Variants in SVEP1 observed in about 807,000 individuals in gnomAD.
The protein encoded by SVEP1 is sushi, von Willebrand factor type A, EGF and pentraxin domain-containing protein 1.
SVEP1 carries 164 observed loss-of-function variants against 367.3 expected under a neutral mutation model. The observed-to-expected ratio is 0.45, with a 90% confidence interval of 0.39 to 0.51. The LOEUF is 0.51. Among genes scored for constraint, SVEP1 ranks in the 20% least tolerant of loss-of-function variants. The pLI is 0.00. For missense variants in SVEP1, 4,117 were observed against 4,425.3 expected, an observed-to-expected ratio of 0.93 and a Z score of 1.98; for synonymous variants, 1,666 against 1,611.6, an observed-to-expected ratio of 1.03 and a Z score of -0.81.
chr9:110,415,553 T>C (rs1828107002), intron 36 of SVEP1, among the ~76,000 whole-genome samples: 1 of 151,980 alleles, frequency 6.6e-6, no homozygotes, highest in African/African-American at 2.4e-5. Flanking sequence ...ACAAAGGCCA[T>C]GACTTGAACA....
chr9:110,474,866 T>C (rs1255163011), intron 14 of SVEP1, among the ~76,000 whole-genome samples: 2 of 152,082 alleles, frequency 1.3e-5, no homozygotes, highest in African/African-American at 4.8e-5. Context: ...TGAAGTAGGA[T>C]ATTTAGTGAA....
In SVEP1 at chr9:110,430,121, T is replaced by A; in HGVS notation, c.5531-117A>T. The A allele has an allele frequency of 3.4e-6, 4 of 1,159,718 alleles. No homozygotes were observed. In the East Asian group the frequency reaches 1.0e-4, roughly 30 times the overall value. 71.8% of individuals were successfully genotyped at this position (1,159,718 alleles called of 1,614,324 possible). A position where few individuals can be genotyped will look rare whatever the true frequency, so the allele number is the denominator to read the frequency against. On this transcript the variant is annotated intron_variant, in intron 33 of 47. Transcript: ENST00000374469. ...TTGTTTGTTTTCTTTTTTTTTTTTTTTGGTGTGTGTGTGTGGGGTCATGTT... is the reference window on the plus strand; with the variant it reads ...TTGTTTGTTTTCTTTTTTTTTTTTTATGGTGTGTGTGTGTGGGGTCATGTT...
At chr9:110,474,586 C>G (rs1010479549) in intron 14 of SVEP1, among the ~76,000 whole-genome samples, 1 of 152,160 alleles carries the variant, frequency 6.6e-6, no homozygotes, top group Non-Finnish European at 1.5e-5. Flanking sequence ...AACTGACTCT[C>G]TCTAGGTGTA....
chr9:110,379,531 A>G lies in SVEP1; in HGVS notation c.10238-14T>C. 3.1e-6 allele frequency: 5 copies of G among 1,613,290 alleles called. No homozygotes were observed. The highest frequency in any genetic ancestry group is 4.2e-6 in the Non-Finnish European group (5 of 1,179,532). ...CACATGAGATTTCTACAGGATAACA[A>G]AACAACAATTAAGCTTGTGCTATTA... On this transcript the variant is annotated splice_polypyrimidine_tract_variant and intron_variant, in intron 43 of 47. Coordinates refer to ENST00000374469, the MANE Select transcript of SVEP1 (RefSeq NM_153366.4).
chr9:110,408,172 A>G lies in SVEP1; in HGVS notation c.7428T>C (p.Thr2476=), dbSNP rs1827985491. ...CKPGFELVGN[T]TTLCGENGHW... ...GACCATTTTCTCCACAAAGGGTGGT[A>G]GTATTTCCCACCAATTCAAAGCCTG... Residue 2476 remains threonine (T), a synonymous_variant, in exon 38 of 48, where the codon ACT becomes ACC. Transcript: ENST00000374469. The G allele has an allele frequency of 1.2e-6, 2 of 1,613,994 alleles. No homozygotes were observed. Among genetic ancestry groups the G allele is most frequent in the Non-Finnish European group, 8.5e-7 (1 of 1,179,896 alleles).
At chr9:110,468,732 G>C (rs550572603) in intron 17 of SVEP1, among the ~76,000 whole-genome samples, 5 of 152,318 alleles carry the variant, frequency 3.3e-5, no homozygotes, top group Admixed American at 1.3e-4. Context: ...AAAATATACA[G>C]GTTTCCCTGA....
In SVEP1 at chr9:110,574,740, C is replaced by CTTTTT. The variant is rs1564180524; in HGVS notation, c.531+4272_531+4273insAAAAA. The stretch of plus-strand genomic sequence containing the variant: ...TAGACAGGGACTGAGTCCAGTCGAC[C>CTTTTT]TTCTTTTTTTTTTTTTTTTTTTTTT... On this transcript the variant is annotated intron_variant, in intron 1 of 47. Coordinates refer to ENST00000374469, the MANE Select transcript of SVEP1 (RefSeq NM_153366.4). 5.6e-5 allele frequency among the ~76,000 whole-genome samples: 6 copies of CTTTTT among 106,342 alleles called. No individual in the cohort carries two copies. In the East Asian group the frequency reaches 1.7e-3, roughly 29 times the overall value. 69.8% of individuals were successfully genotyped at this position (106,342 alleles called of 152,430 possible). A position where few individuals can be genotyped will look rare whatever the true frequency, so the allele number is the denominator to read the frequency against.
chr9:110,370,431 C>T (rs914143359), intron 46 of SVEP1, among the ~76,000 whole-genome samples: 1 of 152,112 alleles, frequency 6.6e-6, no homozygotes, highest in Non-Finnish European at 1.5e-5. Flanking sequence ...ATTGTAAATT[C>T]CTCGAGGGAG....
chr9:110,368,511 T>C (rs1750200453), intron 47 of SVEP1, among the ~76,000 whole-genome samples: 1 of 152,204 alleles, frequency 6.6e-6, no homozygotes, highest in African/African-American at 2.4e-5. Context: ...AGTATTTTAA[T>C]ACATGCTAAT....
rs183121755 is a variant in SVEP1, at chr9:110,406,894, C to T, written c.8706G>A (p.Thr2902=). The change falls in exon 38 of 48, where the codon ACG becomes ACA. Residue 2902 remains threonine (T), a synonymous_variant. Transcript: ENST00000374469. ...TCATGAAGCCATAGTCCAGGCCTTCCGTCACCCCATTGGCCAGTTGTGGCG... is the reference window on the plus strand; with the variant it reads ...TCATGAAGCCATAGTCCAGGCCTTCTGTCACCCCATTGGCCAGTTGTGGCG... ...ATPPQLANGV[T]EGLDYGFMKE... 137 of 1,613,972 alleles carry T rather than the reference C, an allele frequency of 8.5e-5. No homozygotes were observed. In the African/African-American group the frequency reaches 1.2e-3, roughly 14 times the overall value.
intron 3 of SVEP1, among the ~76,000 whole-genome samples, chr9:110,535,124 T>C (rs531377304): frequency 1.8e-4 from 27 of 152,282 alleles, no homozygotes; most frequent in Non-Finnish European, 3.2e-4. Flanking sequence ...TTGTCTAGGT[T>C]GTCTTCCAGG....
intron 43 of SVEP1, among the ~76,000 whole-genome samples, chr9:110,379,779 G>A (rs150129330): frequency 6.6e-6 from 1 of 152,232 alleles, no homozygotes; most frequent in East Asian, 1.9e-4. Context: ...CAGTCTGTAG[G>A]ACACCAAGAA....
At chr9:110,462,182 A>T (rs980822785) in intron 18 of SVEP1, among the ~76,000 whole-genome samples, 1 of 152,128 alleles carries the variant, frequency 6.6e-6, no homozygotes, top group African/African-American at 2.4e-5. Context: ...AAGATGCTCA[A>T]AAAGAAAAGA....
At position 110,565,970 on chromosome 9, in the gene SVEP1, G is replaced by C. The variant is rs149421403; in HGVS notation, c.531+13043C>G. Among the ~76,000 whole-genome samples, 333 of 152,076 alleles carry C rather than the reference G, an allele frequency of 2.2e-3. 1 individual carries two copies. Among genetic ancestry groups the C allele is most frequent in the Middle Eastern group, 0.01 (3 of 294 alleles). On this transcript the variant is annotated intron_variant, in intron 1 of 47. Coordinates refer to ENST00000374469, the MANE Select transcript of SVEP1 (RefSeq NM_153366.4). ...CTAACCAGTAGTATCACCTGGTCAA[G>C]TTACTTACATTCTCCATGGTTCAGT... is the stretch of plus-strand genomic sequence containing the variant.
chr9:110,394,421 T>C (rs1409436911), intron 40 of SVEP1, among the ~76,000 whole-genome samples: 1 of 152,080 alleles, frequency 6.6e-6, no homozygotes, highest in Non-Finnish European at 1.5e-5. Context: ...GCAGAATAAC[T>C]GGAAACTCTA....
At chr9:110,557,208 T>A (rs1830366460) in intron 1 of SVEP1, among the ~76,000 whole-genome samples, 1 of 152,250 alleles carries the variant, frequency 6.6e-6, no homozygotes, top group African/African-American at 2.4e-5. Context: ...CATTTTTATC[T>A]CATCCTACTT....
At chr9:110,515,810 T>C (rs1829792248) in intron 3 of SVEP1, among the ~76,000 whole-genome samples, 1 of 152,200 alleles carries the variant, frequency 6.6e-6, no homozygotes, top group African/African-American at 2.4e-5. Flanking sequence ...AAAGCAAATA[T>C]TTATATACCA....
chr9:110,390,692 C>G (rs916567861), intron 40 of SVEP1, among the ~76,000 whole-genome samples: 3 of 151,948 alleles, frequency 2.0e-5, no homozygotes, highest in East Asian at 3.9e-4. Context: ...TCAGTCCTGG[C>G]TGCACACACG....
At chr9:110,427,035 G>A (rs1424444871) in intron 36 of SVEP1, among the ~76,000 whole-genome samples, 1 of 152,118 alleles carries the variant, frequency 6.6e-6, no homozygotes, top group Non-Finnish European at 1.5e-5. Context: ...AAGGCTGGGT[G>A]CAGTGGCTCA....
Sources: gnomAD v4.1 joint callset for allele counts (sites outside exome capture counted in the v4.1 genomes callset) on GRCh38, gnomAD v4.1.1 for gene constraint, MANE v1.5 for transcripts, NCBI Gene and HGNC (gene_info 2026-07-23, HGNC 2026-07-21) for gene names.